GAS7: variants seen among roughly 807,000 people sequenced by gnomAD.
The protein encoded by GAS7 is growth arrest-specific protein 7.
A neutral mutation model predicts 71.1 loss-of-function variants in GAS7; 28 were observed. That is an observed-to-expected ratio of 0.39 (90% CI 0.29 to 0.54). The LOEUF (loss-of-function observed/expected upper bound fraction) is 0.54, where lower values mean the gene tolerates loss of function less well. GAS7 is among the 20% of genes least tolerant of loss of function. The probability of loss-of-function intolerance (pLI) is 0.62; values close to 1 mark genes in which losing one functional copy is unlikely to be tolerated. For missense variants in GAS7, 436 were observed against 627.8 expected (o/e 0.69, Z 3.27); for synonymous variants, 258 against 245.8 (o/e 1.05, Z -0.46).
intron 1 of GAS7, among the ~76,000 whole-genome samples, chr17:10,176,399 C>T (rs1009752743): frequency 1.3e-5 from 2 of 152,142 alleles, no homozygotes; most frequent in Admixed American, 6.5e-5. Context: ...CTCTTAGCAC[C>T]GCTTGCATTC....
At chr17:10,032,884 G>C (rs192809931) in intron 1 of GAS7, among the ~76,000 whole-genome samples, 186 of 152,290 alleles carry the variant, frequency 1.2e-3, no homozygotes, top group African/African-American at 4.4e-3. Context: ...CACCAACAAA[G>C]CGAAGTGATA....
intron 1 of GAS7, among the ~76,000 whole-genome samples, chr17:10,132,310 T>C (rs556992102): frequency 6.9e-6 from 1 of 143,962 alleles, no homozygotes; most frequent in Non-Finnish European, 1.5e-5. Context: ...CCTTCTCCCC[T>C]GAAGAATGCC....
chr17:9,931,940 G>A (rs533906299), intron 9 of GAS7, among the ~76,000 whole-genome samples: 3 of 152,290 alleles, frequency 2.0e-5, no homozygotes, highest in Admixed American at 1.3e-4. Context: ...TCCCAAAGCA[G>A]GGACTTGCAA....
intron 1 of GAS7, among the ~76,000 whole-genome samples, chr17:10,090,169 C>CAAAA (rs536907218): frequency 7.9e-6 from 1 of 126,472 alleles, no homozygotes. Flanking sequence ...ACTCCGTCTC[C>CAAAA]AAAAAAAAAA....
rs531599266 is a variant in GAS7, at chr17:9,929,699, G to C, written c.886-2930C>G. Reference sequence around the variant, plus strand: ...TCACCATGTTAGCCAGGATGGTCTTGATCTCCTGACCTCATGATCCGCCCG... The same window carrying C: ...TCACCATGTTAGCCAGGATGGTCTTCATCTCCTGACCTCATGATCCGCCCG... On this transcript the variant is annotated intron_variant, in intron 9 of 13. Coordinates refer to ENST00000432992, the MANE Select transcript of GAS7 (RefSeq NM_201433.2). Among the ~76,000 whole-genome samples, 182 of 151,814 alleles carry C rather than the reference G, an allele frequency of 1.2e-3. 1 individual carries two copies. Among genetic ancestry groups the C allele is most frequent in the Non-Finnish European group, 1.3e-3 (91 of 67,994 alleles).
Position 10,095,702 on chromosome 17 carries a change from C to T in GAS7, c.184-75805G>A, listed in dbSNP as rs139712000. 3.0e-3 allele frequency among the ~76,000 whole-genome samples: 455 copies of T among 151,962 alleles called. 2 individuals are homozygous for T. Among genetic ancestry groups the T allele is most frequent in the African/African-American group, 9.3e-3 (385 of 41,420 alleles). On this transcript the variant is annotated intron_variant, in intron 1 of 13. Coordinates refer to ENST00000432992, the MANE Select transcript of GAS7 (RefSeq NM_201433.2). ...GGGCATGGTGGTGCATGCCTGTAAT[C>T]CCAGCTACTCGGGAGGCTAAGGCAG...
rs758593711 is a variant in GAS7, at chr17:9,940,204, C to A, written c.732-4G>T. The A allele has an allele frequency of 1.9e-6, 3 of 1,611,182 alleles. No homozygotes were observed. The highest frequency in any genetic ancestry group is 2.2e-5 in the East Asian group (1 of 44,870). On this transcript the variant is annotated splice_polypyrimidine_tract_variant and splice_region_variant and intron_variant, in intron 7 of 13. Coordinates refer to ENST00000432992, the MANE Select transcript of GAS7 (RefSeq NM_201433.2). ...ATAGTCTTCTTCAATCTTTATCCTG[C>A]AAAGAGAGAAAACCCAACACACATC... is the stretch of plus-strand genomic sequence containing the variant.
chr17:10,012,619 T>C (rs1460717855), intron 2 of GAS7, among the ~76,000 whole-genome samples: 2 of 152,296 alleles, frequency 1.3e-5, no homozygotes, highest in Middle Eastern at 3.4e-3. Flanking sequence ...CAAAAAATGT[T>C]GTGCTATATC....
chr17:9,914,123 C>T lies in GAS7; in HGVS notation c.*3105G>A, dbSNP rs536506819. The T allele has an allele frequency of 5.7e-5, 13 of 226,264 alleles. No homozygotes were observed. The highest frequency in any genetic ancestry group is 3.8e-4 in the East Asian group (6 of 15,720). 14.0% of individuals were successfully genotyped at this position (226,264 alleles called of 1,614,324 possible). On this transcript the variant is annotated 3_prime_UTR_variant, in exon 14 of 14. Coordinates refer to ENST00000432992, the MANE Select transcript of GAS7 (RefSeq NM_201433.2). Reference sequence around the variant, plus strand: ...AACCAGAAACGGGCCCCTGTTCATACGGATAGGGGTTCTGGACTGTTGACT... The same window carrying T: ...AACCAGAAACGGGCCCCTGTTCATATGGATAGGGGTTCTGGACTGTTGACT...
intron 1 of GAS7, among the ~76,000 whole-genome samples, chr17:10,069,936 C>T (rs1333073183): frequency 9.2e-5 from 14 of 152,164 alleles, no homozygotes; most frequent in Non-Finnish European, 1.6e-4. Flanking sequence ...CTGAGGCCTG[C>T]CCTCACCCGG....
intron 1 of GAS7, among the ~76,000 whole-genome samples, chr17:10,027,522 C>T (rs981369040): frequency 6.6e-6 from 1 of 152,218 alleles, no homozygotes; most frequent in Non-Finnish European, 1.5e-5. Flanking sequence ...CATGAGGGCG[C>T]CTCCTTCAGT....
chr17:10,018,300 C>G (rs1208811136), intron 2 of GAS7, among the ~76,000 whole-genome samples: 1 of 151,302 alleles, frequency 6.6e-6, no homozygotes, highest in African/African-American at 2.4e-5. Context: ...AAAGCCATTT[C>G]CCCCCATGCC....
intron 1 of GAS7, among the ~76,000 whole-genome samples, chr17:10,153,424 G>A (rs1274729111): frequency 6.6e-6 from 1 of 151,454 alleles, no homozygotes; most frequent in African/African-American, 2.4e-5. Context: ...GCTGAGGCAG[G>A]AGAATTGCTT....
chr17:10,133,533 A>G (rs893811559), intron 1 of GAS7, among the ~76,000 whole-genome samples: 3 of 152,186 alleles, frequency 2.0e-5, no homozygotes, highest in African/African-American at 4.8e-5. Context: ...TAATCTACGC[A>G]TTACTCCACA....
chr17:10,018,943 C>T lies in GAS7; in HGVS notation c.304+834G>A, dbSNP rs777292237. On this transcript the variant is annotated intron_variant, in intron 2 of 13. Coordinates refer to ENST00000432992, the MANE Select transcript of GAS7 (RefSeq NM_201433.2). The stretch of plus-strand genomic sequence containing the variant: ...TTGGTTTAAATCCTCTCAGTTCTCT[C>T]ATGGCAATTTCTCTGGGGAGTCACG... Among the ~76,000 whole-genome samples the T allele has an allele frequency of 4.7e-4, 72 of 152,178 alleles. 1 individual carries two copies. Among genetic ancestry groups the T allele is most frequent in the Non-Finnish European group, 1.3e-4 (9 of 68,038 alleles).
chr17:10,015,140 C>T (rs527856128), intron 2 of GAS7, among the ~76,000 whole-genome samples: 41 of 148,868 alleles, frequency 2.8e-4, no homozygotes, highest in Non-Finnish European at 5.2e-4. Flanking sequence ...GGCGACAGAG[C>T]GAGACTCTGT....
intron 1 of GAS7, among the ~76,000 whole-genome samples, chr17:10,194,356 G>T (rs1236454502): frequency 6.6e-6 from 1 of 152,134 alleles, no homozygotes; most frequent in Non-Finnish European, 1.5e-5. Context: ...TCCATTCAAG[G>T]AAAGTACAGG....
chr17:10,132,244 C>G (rs1411567577), intron 1 of GAS7, among the ~76,000 whole-genome samples: 1 of 152,308 alleles, frequency 6.6e-6, no homozygotes, highest in East Asian at 1.9e-4. Context: ...GTGCCCATAA[C>G]TAAATACTTC....
At chr17:10,179,196 G>C (rs2074396047) in intron 1 of GAS7, among the ~76,000 whole-genome samples, 2 of 152,082 alleles carry the variant, frequency 1.3e-5, no homozygotes, top group Admixed American at 1.3e-4. Context: ...GGGCGTGGTG[G>C]TGCATGCCTG....
Sources: gnomAD v4.1 joint callset for allele counts (sites outside exome capture counted in the v4.1 genomes callset) on GRCh38, gnomAD v4.1.1 for gene constraint, MANE v1.5 for transcripts, NCBI Gene and HGNC (gene_info 2026-07-23, HGNC 2026-07-21) for gene names.